RIMS1: variants seen among roughly 807,000 people sequenced by gnomAD.
RIMS1 encodes regulating synaptic membrane exocytosis 1, also known as regulating synaptic membrane exocytosis protein 1.
In RIMS1, 83 loss-of-function variants were observed where a neutral mutation model predicts 214.1. The ratio of observed to expected loss-of-function variants is 0.39; its 90% confidence interval spans 0.32 to 0.47. RIMS1 has a LOEUF of 0.47. RIMS1 is among the 20% of genes least tolerant of loss of function. The pLI is 0.99. For synonymous variants in RIMS1, 793 were observed against 786.8 expected, an observed-to-expected ratio of 1.01 and a Z score of -0.13; for missense variants, 2,050 against 2,161.8, an observed-to-expected ratio of 0.95 and a Z score of 1.03.
At chr6:72,015,410 A>G (rs7759358) in intron 2 of RIMS1, among the ~76,000 whole-genome samples, 20,342 of 152,176 alleles carry the variant, frequency 0.13, 1,421 homozygotes, top group South Asian at 0.18. Context: ...TTGTTTATTA[A>G]TCCTAACAAG....
chr6:72,262,553 A>G (rs1307301417), intron 19 of RIMS1: 1 of 983,974 alleles, frequency 1.0e-6, no homozygotes, highest in African/African-American at 1.7e-5. Flanking sequence ...TGTAATGCTA[A>G]AAGTATGGAG....
intron 4 of RIMS1, among the ~76,000 whole-genome samples, chr6:72,123,564 C>G (rs2038871545): frequency 6.6e-6 from 1 of 151,816 alleles, no homozygotes. Flanking sequence ...CTAATATTGA[C>G]AGTGGGGTGT....
rs1440768069 is a variant in RIMS1 at position 72,167,469 on chromosome 6, T to C, written c.472-12106T>C. 2.6e-5 allele frequency among the ~76,000 whole-genome samples: 4 copies of C among 152,248 alleles called. No individual in the cohort carries two copies. The East Asian group carries it at 7.7e-4, about 29-fold the overall frequency. On this transcript the variant is annotated intron_variant, in intron 4 of 33. Transcript: ENST00000521978. ...AAAGTGAGTTCAGAAGCGAATGTGG[T>C]TCTCCTCCCTCTTTTTAAATAGTAA...
intron 1 of RIMS1, among the ~76,000 whole-genome samples, chr6:71,903,464 C>T (rs1000376833): frequency 7.9e-5 from 12 of 152,090 alleles, no homozygotes; most frequent in Admixed American, 2.0e-4. Flanking sequence ...ATGACCAAAA[C>T]GTCAAAAGCA....
intron 2 of RIMS1, among the ~76,000 whole-genome samples, chr6:72,089,321 G>C (rs1020284216): frequency 6.6e-6 from 1 of 152,168 alleles, no homozygotes; most frequent in East Asian, 1.9e-4. Context: ...ATCTCCTGCT[G>C]TGGCTCTTGT....
intron 2 of RIMS1, among the ~76,000 whole-genome samples, chr6:72,083,605 T>C (rs1217219931): frequency 1.3e-5 from 2 of 152,184 alleles, no homozygotes; most frequent in Non-Finnish European, 2.9e-5. Context: ...AGTTATCAGC[T>C]AAGTGTACTC....
chr6:72,015,377 T>C, intron 2 of RIMS1, among the ~76,000 whole-genome samples: 1 of 152,168 alleles, frequency 6.6e-6, no homozygotes, highest in East Asian at 1.9e-4. Flanking sequence ...ATATTGATCT[T>C]ATATTCATCA....
intron 4 of RIMS1, among the ~76,000 whole-genome samples, chr6:72,108,869 G>A (rs1347413217): frequency 1.9e-5 from 2 of 106,176 alleles, no homozygotes; most frequent in Non-Finnish European, 3.5e-5. Flanking sequence ...CCCCACCACA[G>A]TCCCTAGAGT....
intron 6 of RIMS1, among the ~76,000 whole-genome samples, chr6:72,187,486 T>G (rs1562529639): frequency 1.3e-5 from 2 of 148,176 alleles, no homozygotes; most frequent in African/African-American, 2.5e-5. Flanking sequence ...TTTGTTTTTT[T>G]TTTTTTTTTG....
intron 6 of RIMS1, among the ~76,000 whole-genome samples, chr6:72,195,719 C>G (rs1052563571): frequency 9.2e-5 from 14 of 152,048 alleles, no homozygotes; most frequent in Non-Finnish European, 4.4e-5. Context: ...ATACTGCTCA[C>G]ATAGTGCTTA....
chr6:72,101,344 G>A (rs1234663632), intron 4 of RIMS1, among the ~76,000 whole-genome samples: 1 of 151,880 alleles, frequency 6.6e-6, no homozygotes. Context: ...TGGTTAGAAT[G>A]TATATATCTA....
intron 6 of RIMS1, among the ~76,000 whole-genome samples, chr6:72,210,416 C>A (rs1270469695): frequency 5.9e-5 from 9 of 152,148 alleles, no homozygotes; most frequent in Non-Finnish European, 1.0e-4. Flanking sequence ...ATAGAATATG[C>A]AGTGTGTCCT....
chr6:72,119,510 A>T (rs1234214823), intron 4 of RIMS1, among the ~76,000 whole-genome samples: 2 of 151,988 alleles, frequency 1.3e-5, no homozygotes, highest in East Asian at 3.9e-4. Context: ...CACTTAGAAA[A>T]GAGAACAAAT....
intron 2 of RIMS1, among the ~76,000 whole-genome samples, chr6:72,062,489 A>T (rs954405054): frequency 1.3e-5 from 2 of 152,196 alleles, no homozygotes; most frequent in African/African-American, 2.4e-5. Flanking sequence ...TTTTTTCTAA[A>T]GAATCTCAAA....
chr6:71,943,640 G>A (rs1416261435), intron 1 of RIMS1, among the ~76,000 whole-genome samples: 1 of 152,140 alleles, frequency 6.6e-6, no homozygotes, highest in African/African-American at 2.4e-5. Flanking sequence ...ATGCAAGCTG[G>A]TTACTAAAGG....
At chr6:72,209,347 G>A (rs559767461) in intron 6 of RIMS1, among the ~76,000 whole-genome samples, 16 of 152,256 alleles carry the variant, frequency 1.1e-4, no homozygotes, top group African/African-American at 3.9e-4. Context: ...AGGCATTGAA[G>A]CCTTATAACT....
chr6:72,001,648 G>A (rs1298704580), intron 2 of RIMS1, among the ~76,000 whole-genome samples: 1 of 152,068 alleles, frequency 6.6e-6, no homozygotes, highest in African/African-American at 2.4e-5. Context: ...TATTCCTATA[G>A]GTTACTATAG....
At chr6:71,988,544 C>T (rs772312382) in intron 2 of RIMS1, among the ~76,000 whole-genome samples, 5 of 151,858 alleles carry the variant, frequency 3.3e-5, no homozygotes, top group Non-Finnish European at 5.9e-5. Context: ...ATATACAAAA[C>T]GTGTTTACTG....
At chr6:72,243,415 GTTA>G (rs1369402781) in intron 10 of RIMS1, among the ~76,000 whole-genome samples, 2 of 151,558 alleles carry the variant, frequency 1.3e-5, no homozygotes, top group Non-Finnish European at 1.5e-5. Flanking sequence ...ATTTTAACTG[GTTA>G]TTATTAAGAG....
Sources: gnomAD v4.1 joint callset for allele counts (sites outside exome capture counted in the v4.1 genomes callset) on GRCh38, gnomAD v4.1.1 for gene constraint, MANE v1.5 for transcripts, NCBI Gene and HGNC (gene_info 2026-07-23, HGNC 2026-07-21) for gene names.